The following KRI1 variants were observed in gnomAD, a reference collection of about 807,000 sequenced individuals.
The protein encoded by KRI1 is protein KRI1 homolog.
KRI1 carries 83 observed loss-of-function variants against 97.0 expected under a neutral mutation model. The ratio of observed to expected loss-of-function variants is 0.86; its 90% CI spans 0.72 to 1.03. The LOEUF (loss-of-function observed/expected upper bound fraction) is 1.03, where lower values mean the gene tolerates loss of function less well. KRI1 is among the 50% of genes least tolerant of loss of function. KRI1 has a pLI of 0.00. For synonymous variants in KRI1, 371 were observed against 363.5 expected (o/e 1.02, Z -0.23); for missense variants, 916 against 928.4 (o/e 0.99, Z 0.17).
chr19:10,565,811 GC>G (rs34864064), intron 1 of KRI1, 21 bp from the exon 2 acceptor site: 168 of 1,522,884 alleles, frequency 1.1e-4, no homozygotes, highest in Middle Eastern at 7.3e-4. Context: ...CAGACGGGAT[GC>G]CCCCCCCCAG....
In KRI1 at chr19:10,561,777, T is replaced by C; in HGVS notation, c.438+14A>G. The C allele has an allele frequency of 6.2e-7, 1 of 1,608,612 alleles. No homozygotes were observed. Among genetic ancestry groups the C allele is most frequent in the Non-Finnish European group, 8.5e-7 (1 of 1,175,168 alleles). ...GGCCCCTCAGCCCCCCGACCCAGCC[T>C]TCACCCCACCCACCTGGAGTCTGTG... On this transcript the variant is annotated intron_variant, in intron 5 of 18. Transcript: ENST00000312962.
At chr19:10,559,731 AC>A in intron 10 of KRI1, 23 bp from the exon 11 acceptor site, 2 of 1,614,060 alleles carry the variant, frequency 1.2e-6, no homozygotes, top group Non-Finnish European at 1.7e-6. Context: ...AGAAAAGCCC[AC>A]AAGGGCCGCA....
chr19:10,555,148 T>C lies in KRI1; in HGVS notation c.1720A>G (p.Ser574Gly), dbSNP rs143028139. 3 of 1,614,242 alleles carry C rather than the reference T, an allele frequency of 1.9e-6. No individual in the cohort carries two copies. The highest frequency in any genetic ancestry group is 2.5e-6 in the Non-Finnish European group (3 of 1,180,044). ...TTCCATGAGTTCTGGGCCTTCTGGCTGTACGCCCGCTTGTCCCGCAGCTCC... is the reference window on the plus strand; with the variant it reads ...TTCCATGAGTTCTGGGCCTTCTGGCCGTACGCCCGCTTGTCCCGCAGCTCC... ...QEELRDKRAY[S>G]QKAQNSWKKR... The change falls in exon 18 of 19, where the codon AGC (serine) becomes GGC (glycine). Residue 574 changes from serine to glycine, a missense_variant. Around this residue, in one of 3 missense-constraint regions of KRI1, gnomAD observed 672 missense variants for 667.2 expected, o/e 1.01. Coordinates refer to ENST00000312962, the MANE Select transcript of KRI1 (RefSeq NM_023008.5).
rs760657668 is a variant in KRI1, at chr19:10,553,913, A to G, written c.*38T>C. 4 of 1,488,250 alleles carry G rather than the reference A, an allele frequency of 2.7e-6. No homozygotes were observed. The East Asian group carries it at 9.4e-5, about 35-fold the overall frequency. 92.2% of individuals were successfully genotyped at this position (1,488,250 alleles called of 1,614,324 possible). A position where few individuals can be genotyped will look rare whatever the true frequency, so the allele number is the denominator to read the frequency against. On this transcript the variant is annotated 3_prime_UTR_variant, in exon 19 of 19. Coordinates refer to ENST00000312962, the MANE Select transcript of KRI1 (RefSeq NM_023008.5). ...CGAGACCTGTCCAGGGCTTGATTTG[A>G]GGAGAGGAGCCTGAGGCCCCTGCCT...
chr19:10,565,691 G>A (rs774321825), intron 2 of KRI1, 26 bp downstream of exon 2: 5 of 1,554,056 alleles, frequency 3.2e-6, no homozygotes, highest in Admixed American at 1.9e-5. Flanking sequence ...GCCTCCGCAC[G>A]TCCAGGACGG....
intron 12 of KRI1, among the ~76,000 whole-genome samples, chr19:10,559,100 G>A (rs1418725637): frequency 6.6e-6 from 1 of 150,766 alleles, no homozygotes; most frequent in Non-Finnish European, 1.5e-5. Flanking sequence ...TGCCTCCCGG[G>A]TTCAAGCAAT....
chr19:10,555,263 C>T, intron 17 of KRI1, 22 bp downstream of exon 17: 2 of 1,613,494 alleles, frequency 1.2e-6, no homozygotes, highest in Non-Finnish European at 1.7e-6. Flanking sequence ...GCATGTGGCC[C>T]CGCCGCGCCC....
Position 10,559,690 on chromosome 19 carries a change from T to C in KRI1, c.946A>G (p.Ser316Gly), listed in dbSNP as rs145978093. Reference protein sequence around the residue: ...DSASVKTYPRSIASSVRRKDE... With the variant: ...DSASVKTYPRGIASSVRRKDE... ...TTACGGCGCACGGAGGACGCGATGC[T>C]GCGTGGGTAGGTCTTGACCTAGGCG... Residue 316 changes from serine to glycine, a missense_variant, in exon 11 of 19, where the codon AGC (serine) becomes GGC (glycine). This residue lies in a region of KRI1 where 672 missense variants were observed against 667.2 expected (regional missense o/e 1.01). Transcript: ENST00000312962. The C allele has an allele frequency of 1.0e-4, 169 of 1,614,058 alleles. No individual in the cohort carries two copies. The African/African-American group carries it at 2.1e-3, about 20-fold the overall frequency.
intron 3 of KRI1, 114 bp from the exon 4 acceptor site, chr19:10,562,951 C>G: frequency 1.4e-6 from 1 of 694,546 alleles, no homozygotes. Context: ...CCAAATCCAC[C>G]AATTCCCAGC....
chr19:10,555,457 C>T (rs1409398915), intron 16 of KRI1, 108 bp from the exon 17 acceptor site: 3 of 1,213,104 alleles, frequency 2.5e-6, no homozygotes, highest in Non-Finnish European at 3.6e-6. Flanking sequence ...TACCACCCAG[C>T]AGGGTTGCCA....
chr19:10,564,161 A>G (rs1190858047), intron 3 of KRI1, among the ~76,000 whole-genome samples: 7 of 144,188 alleles, frequency 4.9e-5, no homozygotes, highest in Non-Finnish European at 9.0e-5. Flanking sequence ...AAAAAAAAAG[A>G]AAAAAGAAAG....
chr19:10,560,270 G>A (rs771666706), intron 9 of KRI1, 42 bp downstream of exon 9: 1 of 1,548,240 alleles, frequency 6.5e-7, no homozygotes, highest in East Asian at 2.3e-5. Flanking sequence ...ACTTCATGAA[G>A]CGCACCCAAA....
intron 2 of KRI1, 125 bp from the exon 3 acceptor site, chr19:10,565,159 A>T: frequency 4.4e-6 from 3 of 681,840 alleles, no homozygotes; most frequent in Non-Finnish European, 7.8e-6. Flanking sequence ...GAGGTCAAAC[A>T]GGTGGTCAAA....
Position 10,557,989 on chromosome 19 carries a change from C to T in KRI1, c.1342G>A (p.Glu448Lys), listed in dbSNP as rs772643373. 3 of 1,614,000 alleles carry T rather than the reference C, an allele frequency of 1.9e-6. No individual in the cohort carries two copies. The East Asian group carries it at 6.7e-5, about 36-fold the overall frequency. ...ATACCTACGTTGAAGTTGGGGTCCT[C>T]ACAGTGCAGCTCCTGCTGGCTCCAG... ...GDWSQQELHC[E>K]DPNFNMDADY... Residue 448 changes from glutamate (E) to lysine (K), a missense_variant, in exon 14 of 19, where the codon GAG becomes AAG. Transcript: ENST00000312962.
At chr19:10,557,334 T>C (rs1471460322) in intron 16 of KRI1, among the ~76,000 whole-genome samples, 1 of 152,102 alleles carries the variant, frequency 6.6e-6, no homozygotes, top group Non-Finnish European at 1.5e-5. Flanking sequence ...CTCGAACTCC[T>C]GACCTCAGGT....
rs3826709 is a variant in KRI1 at position 10,559,508 on chromosome 19, C to G, written c.1045G>C (p.Glu349Gln). The change falls in exon 12 of 19, where the codon GAG becomes CAG. Residue 349 changes from glutamate to glutamine, a missense_variant. Physicochemically the swap from Glu to Gln is conservative, Grantham distance 29. Around this residue, in one of 3 missense-constraint regions of KRI1, gnomAD observed 672 missense variants for 667.2 expected, o/e 1.01. Transcript: ENST00000312962. Reference protein sequence around the residue: ...KKREKAKKQEELKQLKNLKRK... With the variant: ...KKREKAKKQEQLKQLKNLKRK... The stretch of plus-strand genomic sequence containing the variant: ...TTCAGGTTCTTCAGCTGCTTGAGCT[C>G]TTCCTGCTTCTTTGCTTTCTCCTGC... 0.5 allele frequency: 804,169 copies of G among 1,613,538 alleles called. 205,280 individuals carry two copies. Among genetic ancestry groups the G allele is most frequent in the East Asian group, 0.78 (34,738 of 44,818 alleles).
At chr19:10,555,008 C>G in intron 18 of KRI1, 79 bp downstream of exon 18, 2 of 1,199,908 alleles carry the variant, frequency 1.7e-6, no homozygotes, top group Non-Finnish European at 2.4e-6. Context: ...AGTCATGCAA[C>G]AAGAGGTTGA....
At position 10,553,799 on chromosome 19, in the gene KRI1, C is replaced by T. The variant is rs1916397759; in HGVS notation, c.*152G>A. ...CTCCAATTCCTGGGCTCAAGTGATC[C>T]TTTCACCTCGGCCTCCCAAAGTGCT... is the stretch of plus-strand genomic sequence containing the variant. On this transcript the variant is annotated 3_prime_UTR_variant, in exon 19 of 19. Transcript: ENST00000312962. 3.0e-6 allele frequency: 2 copies of T among 673,130 alleles called. No individual in the cohort carries two copies. Among genetic ancestry groups the T allele is most frequent in the Admixed American group, 3.3e-5 (1 of 30,368 alleles). 41.7% of individuals were successfully genotyped at this position (673,130 alleles called of 1,614,324 possible). A position where few individuals can be genotyped will look rare whatever the true frequency, so the allele number is the denominator to read the frequency against.
At chr19:10,554,779 A>T (rs766644352) in intron 18 of KRI1, among the ~76,000 whole-genome samples, 1 of 152,156 alleles carries the variant, frequency 6.6e-6, no homozygotes, top group East Asian at 1.9e-4. Context: ...AGCAATCCTA[A>T]TAACAGCTAA....
Sources: gnomAD v4.1 joint callset for allele counts (sites outside exome capture counted in the v4.1 genomes callset) on GRCh38, gnomAD v4.1.1 for gene constraint, gnomAD v4.1.1 regional missense constraint, MANE v1.5 for transcripts, NCBI Gene and HGNC (gene_info 2026-07-23, HGNC 2026-07-21) for gene names.